Variants in RAD51B observed in about 807,000 individuals in gnomAD.
The protein encoded by RAD51B is DNA repair protein RAD51 homolog 2.
Under a neutral mutation model 42.2 loss-of-function variants are expected in RAD51B, and 38 were observed. The ratio of observed to expected loss-of-function variants is 0.90; its 90% CI spans 0.70 to 1.18. The LOEUF (loss-of-function observed/expected upper bound fraction) is 1.18. RAD51B is among the 50% of genes most tolerant of loss of function. The pLI, the probability that RAD51B is intolerant of heterozygous loss-of-function variation, is 0.00. For missense variants in RAD51B, 373 were observed against 400.7 expected, an observed-to-expected ratio of 0.93 and a Z score of 0.59; for synonymous variants, 154 against 145.2, an observed-to-expected ratio of 1.06 and a Z score of -0.43.
At chr14:68,000,783 G>C (rs547287345) in intron 7 of RAD51B, among the ~76,000 whole-genome samples, 3 of 152,262 alleles carry the variant, frequency 2.0e-5, no homozygotes, top group African/African-American at 7.2e-5. Flanking sequence ...GCAAAAATCA[G>C]ATATCACCCT....
At chr14:68,063,470 T>C (rs1566616293) in intron 7 of RAD51B, among the ~76,000 whole-genome samples, 1 of 152,160 alleles carries the variant, frequency 6.6e-6, no homozygotes, top group Non-Finnish European at 1.5e-5. Flanking sequence ...GCGCAGTGGC[T>C]CACACCTGTA....
chr14:67,892,878 C>T (rs974756721), intron 7 of RAD51B, among the ~76,000 whole-genome samples: 1 of 152,258 alleles, frequency 6.6e-6, no homozygotes, highest in Non-Finnish European at 1.5e-5. Context: ...CAATTAAGCA[C>T]ATGCATGCGA....
At chr14:68,501,311 C>T (rs1884900841) in intron 10 of RAD51B, among the ~76,000 whole-genome samples, 1 of 152,198 alleles carries the variant, frequency 6.6e-6, no homozygotes. Context: ...AAGGAAGAGA[C>T]TATGCTATCA....
intron 7 of RAD51B, among the ~76,000 whole-genome samples, chr14:67,961,237 C>T (rs1437550956): frequency 6.6e-6 from 1 of 152,098 alleles, no homozygotes; most frequent in Non-Finnish European, 1.5e-5. Flanking sequence ...AACTTCTGGG[C>T]TCAAGCAATT....
At position 68,594,235 on chromosome 14, in the gene RAD51B, C is replaced by T. The variant is rs868565693; in HGVS notation, c.1037-250C>T. 2.0e-4 allele frequency among the ~76,000 whole-genome samples: 30 copies of T among 151,650 alleles called. No homozygotes were observed. The South Asian group carries it at 4.0e-3, about 20-fold the overall frequency. On this transcript the variant is annotated intron_variant, in intron 10 of 10. Transcript: ENST00000487270. ...CCCATTAAGCTATGAGTGAGTGAGGCGGTGGGGGAGAGAGAGAGGAAAAGG... is the reference window on the plus strand; with the variant it reads ...CCCATTAAGCTATGAGTGAGTGAGGTGGTGGGGGAGAGAGAGAGGAAAAGG...
At chr14:68,185,326 G>C (rs1486817365) in intron 7 of RAD51B, among the ~76,000 whole-genome samples, 1 of 152,190 alleles carries the variant, frequency 6.6e-6, no homozygotes, top group East Asian at 1.9e-4. Flanking sequence ...TATAGGGCAA[G>C]TGGAGTGGCA....
rs567611079 is a variant in RAD51B, at chr14:68,570,871, C to T, written c.1037-23614C>T. On this transcript the variant is annotated intron_variant, in intron 10 of 10. Transcript: ENST00000487270. ...GGGGTCTTGGGCTCAAAGGCTGGAGCGCCACACACACACACACACACACAC... is the reference window on the plus strand; with the variant it reads ...GGGGTCTTGGGCTCAAAGGCTGGAGTGCCACACACACACACACACACACAC... Among the ~76,000 whole-genome samples, 432 of 46,910 alleles carry T rather than the reference C, an allele frequency of 9.2e-3. 2 individuals are homozygous for T. The highest frequency in any genetic ancestry group is 0.029 in the African/African-American group (409 of 14,326). 30.8% of individuals were successfully genotyped at this position (46,910 alleles called of 152,430 possible).
At chr14:68,597,920 G>A (rs1019802808), downstream of RAD51B, among the ~76,000 whole-genome samples, 5 of 151,996 alleles carry the variant, frequency 3.3e-5, no homozygotes, top group African/African-American at 4.8e-5. Flanking sequence ...ATGCTGAAAT[G>A]GAAAGGACTG....
In RAD51B at chr14:68,594,617, T is replaced by TG. The variant is rs771257723; in HGVS notation, c.*18dup. 10 of 1,283,872 alleles carry TG rather than the reference T, an allele frequency of 7.8e-6. No homozygotes were observed. In the South Asian group the frequency reaches 1.3e-4, roughly 16 times the overall value. 79.5% of individuals were successfully genotyped at this position (1,283,872 alleles called of 1,614,324 possible). A position where few individuals can be genotyped will look rare whatever the true frequency, so the allele number is the denominator to read the frequency against. Reference sequence around the variant, plus strand: ...CTAATTTTTTAATTTTTTGTAGAGGTGGGGTCTCATTATGTTGCCCAAGCT... The same window carrying TG: ...CTAATTTTTTAATTTTTTGTAGAGGTGGGGGTCTCATTATGTTGCCCAAGCT... On this transcript the variant is annotated 3_prime_UTR_variant, in exon 11 of 11. Transcript: ENST00000487270.
chr14:68,609,323 C>T (rs969008357), intron 10 of RAD51B, among the ~76,000 whole-genome samples: 1 of 152,140 alleles, frequency 6.6e-6, no homozygotes, highest in South Asian at 2.1e-4. Flanking sequence ...TGGCCACTGT[C>T]ACTCTCCTCA....
chr14:67,913,058 G>GT (rs1566955091), intron 7 of RAD51B, among the ~76,000 whole-genome samples: 1 of 151,966 alleles, frequency 6.6e-6, no homozygotes, highest in East Asian at 1.9e-4. Context: ...TAATAGTATC[G>GT]TAAGTTTTTC....
intron 10 of RAD51B, among the ~76,000 whole-genome samples, chr14:68,626,484 G>C (rs1892085256): frequency 6.6e-6 from 1 of 152,320 alleles, no homozygotes; most frequent in African/African-American, 2.4e-5. Flanking sequence ...CTTGCAGTTG[G>C]AACGGCTAGG....
intron 7 of RAD51B, among the ~76,000 whole-genome samples, chr14:68,193,963 C>T (rs572434154): frequency 2.2e-4 from 33 of 152,240 alleles, no homozygotes; most frequent in Middle Eastern, 3.4e-3. Context: ...TTTACTACCA[C>T]GAATTCTGGG....
At chr14:68,134,779 AT>A (rs34758057) in intron 7 of RAD51B, among the ~76,000 whole-genome samples, 14,897 of 151,066 alleles carry the variant, frequency 0.099, 2,197 homozygotes, top group African/African-American at 0.32. Flanking sequence ...GGGTTATTTG[AT>A]TTTTTTAATG....
At chr14:67,830,916 C>T (rs1446785274) in intron 3 of RAD51B, among the ~76,000 whole-genome samples, 5 of 147,856 alleles carry the variant, frequency 3.4e-5, no homozygotes, top group Non-Finnish European at 7.5e-5. Flanking sequence ...GATGGAGTTT[C>T]GCTCTTGTCA....
At position 68,650,796 on chromosome 14, in the gene RAD51B, G is replaced by A. The variant is rs1892684214; in HGVS notation, c.1052G>A (p.Cys351Tyr). Residue 351 changes from cysteine (C) to tyrosine (Y), a missense_variant, in exon 11 of 12, where the codon TGC (cysteine) becomes TAC (tyrosine). Transcript: ENST00000488612. ...GTTTACACAGAATTTTGGCACATTTGCATATCTGGTTTCTCAATCCAGAAC... is the reference window on the plus strand; with the variant it reads ...GTTTACACAGAATTTTGGCACATTTACATATCTGGTTTCTCAATCCAGAAC... 3 of 760,370 alleles carry A rather than the reference G, an allele frequency of 3.9e-6. No homozygotes were observed. In the South Asian group the frequency reaches 4.1e-5, roughly 10 times the overall value. 47.1% of individuals were successfully genotyped at this position (760,370 alleles called of 1,614,324 possible). A position where few individuals can be genotyped will look rare whatever the true frequency, so the allele number is the denominator to read the frequency against.
chr14:68,635,729 T>G (rs1349822385), intron 10 of RAD51B, among the ~76,000 whole-genome samples: 18 of 152,246 alleles, frequency 1.2e-4, no homozygotes, highest in Admixed American at 1.2e-3. Context: ...AATGCTCAGT[T>G]GCCCCTGGGC....
chr14:68,335,956 G>T (rs891421165), intron 8 of RAD51B, among the ~76,000 whole-genome samples: 1 of 152,178 alleles, frequency 6.6e-6, no homozygotes, highest in African/African-American at 2.4e-5. Flanking sequence ...CTGAGAGAAG[G>T]TTTATCAGAA....
chr14:68,275,696 G>T (rs1031003370), intron 7 of RAD51B, among the ~76,000 whole-genome samples: 6 of 151,906 alleles, frequency 3.9e-5, no homozygotes, highest in African/African-American at 1.2e-4. Flanking sequence ...CCTGTTGCAT[G>T]CAAATTAGGG....
Sources: allele counts gnomAD v4.1 joint callset (sites outside exome capture counted in the v4.1 genomes callset), GRCh38; gene constraint gnomAD v4.1.1; transcripts MANE v1.5; gene names NCBI Gene and HGNC (gene_info 2026-07-23, HGNC 2026-07-21).